The following KCNQ3 variants were observed in gnomAD, a reference collection of about 807,000 sequenced individuals.
The protein encoded by KCNQ3 is potassium voltage-gated channel subfamily KQT member 3.
Under a neutral mutation model 92.5 loss-of-function variants are expected in KCNQ3, and 30 were observed. The ratio of observed to expected loss-of-function variants is 0.32; its 90% CI spans 0.24 to 0.44. The LOEUF is 0.44. Among genes scored for constraint, KCNQ3 ranks in the 20% least tolerant of loss-of-function variants. KCNQ3 has a pLI of 1.00. For missense variants in KCNQ3, 913 were observed against 1,140.3 expected, an observed-to-expected ratio of 0.80 and a Z score of 2.87; for synonymous variants, 450 against 468.8, an observed-to-expected ratio of 0.96 and a Z score of 0.52.
At chr8:132,358,497 T>G (rs1819075824) in intron 1 of KCNQ3, among the ~76,000 whole-genome samples, 1 of 152,210 alleles carries the variant, frequency 6.6e-6, no homozygotes, top group Non-Finnish European at 1.5e-5. Flanking sequence ...GAGACATGAC[T>G]TTGGCTCCTT....
chr8:132,137,648 CTCT>C (rs1241265028), intron 12 of KCNQ3, among the ~76,000 whole-genome samples: 5 of 152,170 alleles, frequency 3.3e-5, no homozygotes, highest in Non-Finnish European at 7.3e-5. Flanking sequence ...GTGCTTTCTC[CTCT>C]CTGACAGGCC....
Position 132,170,434 on chromosome 8 carries a change from G to A in KCNQ3, c.1141-6C>T, listed in dbSNP as rs750310678. The A allele has an allele frequency of 6.2e-7, 1 of 1,607,344 alleles. No individual in the cohort carries two copies. The highest frequency in any genetic ancestry group is 8.5e-7 in the Non-Finnish European group (1 of 1,174,242). The stretch of plus-strand genomic sequence containing the variant: ...GCATAATACCTCCAGGCAGCCTGAG[G>A]GGCAGAAAAGAGGGGCAACAATGAG... On this transcript the variant is annotated splice_region_variant and splice_polypyrimidine_tract_variant and intron_variant, in intron 7 of 14. Transcript: ENST00000388996.
intron 1 of KCNQ3, among the ~76,000 whole-genome samples, chr8:132,211,444 C>T (rs1345368474): frequency 6.6e-6 from 1 of 152,142 alleles, no homozygotes; most frequent in African/African-American, 2.4e-5. Flanking sequence ...TTTCAATTGA[C>T]CTTTCCCCCT....
chr8:132,224,309 G>C (rs1360569914), intron 1 of KCNQ3, among the ~76,000 whole-genome samples: 1 of 151,848 alleles, frequency 6.6e-6, no homozygotes, highest in East Asian at 1.9e-4. Flanking sequence ...AAGTGATGGA[G>C]TTAGCCTGTA....
At chr8:132,238,949 T>C (rs890180453) in intron 1 of KCNQ3, among the ~76,000 whole-genome samples, 2 of 152,178 alleles carry the variant, frequency 1.3e-5, no homozygotes, top group Non-Finnish European at 2.9e-5. Context: ...AACCGTGACA[T>C]GGAGCAAGAG....
intron 14 of KCNQ3, among the ~76,000 whole-genome samples, chr8:132,131,813 C>G (rs911234968): frequency 1.3e-5 from 2 of 152,056 alleles, no homozygotes; most frequent in Non-Finnish European, 2.9e-5. Flanking sequence ...GGGGACTGGG[C>G]GCAGTGGCTC....
At chr8:132,291,801 C>T (rs1429398197) in intron 1 of KCNQ3, among the ~76,000 whole-genome samples, 1 of 152,092 alleles carries the variant, frequency 6.6e-6, no homozygotes, top group East Asian at 1.9e-4. Context: ...CAGATGAGAA[C>T]CTTATGGGAC....
At chr8:132,187,915 GTGT>G (rs1249537433) in intron 1 of KCNQ3, among the ~76,000 whole-genome samples, 27 of 139,540 alleles carry the variant, frequency 1.9e-4, no homozygotes, top group Non-Finnish European at 3.3e-4. Flanking sequence ...GGTGGTGGTG[GTGT>G]TGGTGGTGAT....
intron 1 of KCNQ3, among the ~76,000 whole-genome samples, chr8:132,386,101 G>A (rs2130762682): frequency 6.6e-6 from 1 of 152,164 alleles, no homozygotes; most frequent in Middle Eastern, 3.4e-3. Context: ...AATCCTTCAG[G>A]AGATCTTGAT....
rs143079941 is a variant in KCNQ3, at chr8:132,271,096, C to T, written c.387-84915G>A. 2.0e-5 allele frequency among the ~76,000 whole-genome samples: 3 copies of T among 152,352 alleles called. No homozygotes were observed. In the East Asian group the frequency reaches 5.8e-4, roughly 29 times the overall value. On this transcript the variant is annotated intron_variant, in intron 1 of 14. Transcript: ENST00000388996. ...CTAACTCTTCTAGGCACTGCAGATA[C>T]AGAAAAGACAACCTGGACAACCCCA...
At position 132,467,251 on chromosome 8, in the gene KCNQ3, C is replaced by T. The variant is rs79572179; in HGVS notation, c.386+12896G>A. Among the ~76,000 whole-genome samples, 1,458 of 152,266 alleles carry T rather than the reference C, an allele frequency of 9.6e-3. 9 individuals carry two copies. The highest frequency in any genetic ancestry group is 0.037 in the Middle Eastern group (11 of 294). ...GCTCTCAGCCACACCTTAGAACTAT[C>T]TAGAGTGCCTAGCCCATGGCACAGA... On this transcript the variant is annotated intron_variant, in intron 1 of 14. Coordinates refer to ENST00000388996, the MANE Select transcript of KCNQ3 (RefSeq NM_004519.4).
chr8:132,266,582 T>C (rs1815989145), intron 1 of KCNQ3, among the ~76,000 whole-genome samples: 1 of 151,980 alleles, frequency 6.6e-6, no homozygotes, highest in Admixed American at 6.6e-5. Flanking sequence ...TTGGATCCAG[T>C]GCATCAGACT....
chr8:132,155,554 T>G (rs1369648112), intron 9 of KCNQ3, among the ~76,000 whole-genome samples: 1 of 152,194 alleles, frequency 6.6e-6, no homozygotes, highest in East Asian at 1.9e-4. Context: ...GGTACCCTTA[T>G]TATAACCATC....
chr8:132,344,604 C>A (rs184062113), intron 1 of KCNQ3, among the ~76,000 whole-genome samples: 1 of 152,176 alleles, frequency 6.6e-6, no homozygotes, highest in Admixed American at 6.5e-5. Context: ...CAGAGTCACA[C>A]ACTCATCACG....
chr8:132,349,003 T>G (rs1818779239), intron 1 of KCNQ3, among the ~76,000 whole-genome samples: 1 of 152,204 alleles, frequency 6.6e-6, no homozygotes, highest in Non-Finnish European at 1.5e-5. Flanking sequence ...TCTGACTCTT[T>G]CAGAAAAGCC....
intron 1 of KCNQ3, among the ~76,000 whole-genome samples, chr8:132,391,741 C>T (rs1480119998): frequency 1.3e-5 from 2 of 152,172 alleles, no homozygotes; most frequent in African/African-American, 4.8e-5. Context: ...TTCTTTCTAA[C>T]CCCCTCAGGA....
intron 1 of KCNQ3, among the ~76,000 whole-genome samples, chr8:132,262,805 G>A (rs1433900446): frequency 1.3e-5 from 2 of 151,948 alleles, no homozygotes; most frequent in African/African-American, 4.8e-5. Context: ...TTGTTAGTTG[G>A]GTTTTCTGTT....
intron 7 of KCNQ3, 146 bp downstream of exon 7, chr8:132,172,452 C>CA: frequency 1.3e-6 from 1 of 764,680 alleles, no homozygotes; most frequent in South Asian, 1.4e-5. Flanking sequence ...ACAAGACACA[C>CA]AGACACACAT....
At chr8:132,319,320 T>A (rs1817833374) in intron 1 of KCNQ3, among the ~76,000 whole-genome samples, 1 of 152,112 alleles carries the variant, frequency 6.6e-6, no homozygotes, top group Non-Finnish European at 1.5e-5. Flanking sequence ...CCTAGGTTTG[T>A]CTAATTTTTT....
Sources: gnomAD v4.1 joint callset for allele counts (sites outside exome capture counted in the v4.1 genomes callset) on GRCh38, gnomAD v4.1.1 for gene constraint, MANE v1.5 for transcripts, NCBI Gene and HGNC (gene_info 2026-07-23, HGNC 2026-07-21) for gene names.